Variants in PDE3A observed in about 807,000 individuals in gnomAD.
PDE3A encodes the protein cGMP-inhibited 3',5'-cyclic phosphodiesterase 3A.
Under a neutral mutation model 98.3 loss-of-function variants are expected in PDE3A, and 43 were observed. The observed-to-expected ratio is 0.44, with a 90% confidence interval of 0.34 to 0.56. The LOEUF (loss-of-function observed/expected upper bound fraction) is 0.56. Ranked by LOEUF, PDE3A falls within the 20% of genes least tolerant of loss-of-function variation. The pLI is 0.01. For synonymous variants in PDE3A, 663 were observed against 567.9 expected (o/e 1.17, Z -2.38); for missense variants, 1,427 against 1,440.7 (o/e 0.99, Z 0.15).
intron 2 of PDE3A, among the ~76,000 whole-genome samples, chr12:20,559,122 G>A (rs1942446862): frequency 6.6e-6 from 1 of 152,112 alleles, no homozygotes; most frequent in South Asian, 2.1e-4. Flanking sequence ...ATATATGATG[G>A]TGGTCACATA....
intron 15 of PDE3A, among the ~76,000 whole-genome samples, chr12:20,664,809 T>G (rs1400184798): frequency 6.6e-6 from 1 of 152,164 alleles, no homozygotes; most frequent in African/African-American, 2.4e-5. Context: ...TTATCCAGTC[T>G]CAGGTATGTC....
chr12:20,665,756 T>A (rs1945291776), intron 15 of PDE3A, among the ~76,000 whole-genome samples: 1 of 152,112 alleles, frequency 6.6e-6, no homozygotes, highest in African/African-American at 2.4e-5. Context: ...TTTTAGCTAT[T>A]CCAAGTAGGC....
chr12:20,650,764 T>C (rs1592147794), intron 14 of PDE3A, among the ~76,000 whole-genome samples, 164 bp downstream of exon 14: 1 of 152,128 alleles, frequency 6.6e-6, no homozygotes, highest in East Asian at 1.9e-4. Context: ...AAGTGACGTA[T>C]AAAAATTGGA....
At chr12:20,536,362 A>G (rs931625300) in intron 1 of PDE3A, among the ~76,000 whole-genome samples, 3 of 151,756 alleles carry the variant, frequency 2.0e-5, no homozygotes, top group African/African-American at 7.3e-5. Context: ...GTGTGTGTGC[A>G]TAGAGGTATT....
chr12:20,568,778 A>G (rs1198711480), intron 2 of PDE3A, among the ~76,000 whole-genome samples: 1 of 152,062 alleles, frequency 6.6e-6, no homozygotes, highest in Non-Finnish European at 1.5e-5. Flanking sequence ...ATTAATAGAT[A>G]TATACTTCAT....
intron 1 of PDE3A, among the ~76,000 whole-genome samples, chr12:20,520,121 A>G (rs1202024404): frequency 6.6e-6 from 1 of 152,180 alleles, no homozygotes; most frequent in Non-Finnish European, 1.5e-5. Context: ...GTAATGAAAA[A>G]TCCAACGTGT....
rs1019291690 is a variant in PDE3A, at chr12:20,614,970, C to A, written c.1270-1260C>A. ...GTTGCTGAAGTTATAGGAAAAAGAC[C>A]TTCGGTTTAACTTTTTCTTTTCTTT... On this transcript the variant is annotated intron_variant, in intron 3 of 15. Transcript: ENST00000359062. Among the ~76,000 whole-genome samples the A allele has an allele frequency of 4.8e-5, 7 of 145,200 alleles. No individual in the cohort carries two copies. The South Asian group carries it at 7.1e-4, about 15-fold the overall frequency.
chr12:20,621,372 G>A lies in PDE3A; in HGVS notation c.1501G>A (p.Ala501Thr). ...RSFTSSYAIS[A>T]ANHVKAKKQS... ...CTTTACTTCATCCTATGCTATTTCT[G>A]CAGCTAACCATGTAAAGGCTAAAAA... The change falls in exon 5 of 16, where the codon GCA (alanine) becomes ACA (threonine). Residue 501 changes from alanine (A) to threonine (T), a missense_variant. Ala to Thr is a moderately conservative substitution (Grantham distance 58). Transcript: ENST00000359062. 1 of 1,611,932 alleles carries A rather than the reference G, an allele frequency of 6.2e-7. No individual in the cohort carries two copies. Among genetic ancestry groups the A allele is most frequent in the Non-Finnish European group, 8.5e-7 (1 of 1,178,264 alleles).
At chr12:20,429,535 T>C (rs1218067216) in intron 1 of PDE3A, among the ~76,000 whole-genome samples, 1 of 152,144 alleles carries the variant, frequency 6.6e-6, no homozygotes, top group Non-Finnish European at 1.5e-5. Flanking sequence ...TGTGACTTGC[T>C]CTCCTAAGCC....
At chr12:20,479,607 A>G (rs1180172536) in intron 1 of PDE3A, among the ~76,000 whole-genome samples, 1 of 152,212 alleles carries the variant, frequency 6.6e-6, no homozygotes, top group Non-Finnish European at 1.5e-5. Context: ...TGTTCATCCT[A>G]TATTTAATCT....
intron 15 of PDE3A, among the ~76,000 whole-genome samples, chr12:20,676,542 C>T (rs373564372): frequency 6.7e-6 from 1 of 148,650 alleles, no homozygotes; most frequent in Non-Finnish European, 1.5e-5. Context: ...CTCTGTCCCC[C>T]ATGCTGGAGT....
intron 1 of PDE3A, among the ~76,000 whole-genome samples, chr12:20,554,055 A>T (rs187351018): frequency 1.3e-5 from 2 of 151,592 alleles, no homozygotes; most frequent in Non-Finnish European, 2.9e-5. Context: ...CTGTATATGT[A>T]CCAAGAAAGA....
chr12:20,600,083 C>G (rs2121405160), intron 2 of PDE3A, among the ~76,000 whole-genome samples: 1 of 152,288 alleles, frequency 6.6e-6, no homozygotes, highest in South Asian at 2.1e-4. Flanking sequence ...TCACTTCTGC[C>G]TGGCTTTTAA....
At chr12:20,383,615 C>T (rs1317001673) in intron 1 of PDE3A, among the ~76,000 whole-genome samples, 3 of 151,938 alleles carry the variant, frequency 2.0e-5, no homozygotes, top group Non-Finnish European at 4.4e-5. Context: ...TTTGGTTTGG[C>T]CCTAGGAGCA....
intron 1 of PDE3A, among the ~76,000 whole-genome samples, chr12:20,519,864 G>C (rs1427007830): frequency 2.6e-5 from 4 of 152,136 alleles, no homozygotes; most frequent in Non-Finnish European, 5.9e-5. Context: ...AGCTAGCAGA[G>C]GGGTGGTGAG....
intron 2 of PDE3A, among the ~76,000 whole-genome samples, chr12:20,600,900 C>G (rs1475088428): frequency 6.6e-6 from 1 of 152,174 alleles, no homozygotes; most frequent in Non-Finnish European, 1.5e-5. Context: ...GTCTCAAACA[C>G]TTTAATTTAC....
intron 2 of PDE3A, among the ~76,000 whole-genome samples, chr12:20,589,823 C>T (rs571336880): frequency 2.1e-5 from 3 of 143,434 alleles, no homozygotes; most frequent in Middle Eastern, 3.9e-3. Flanking sequence ...AAGCTGAGAT[C>T]GTGCCACTGC....
intron 1 of PDE3A, among the ~76,000 whole-genome samples, chr12:20,441,637 A>G (rs1248683420): frequency 2.0e-5 from 3 of 152,192 alleles, no homozygotes; most frequent in African/African-American, 7.2e-5. Flanking sequence ...GGTCTTGACC[A>G]CTAATCTCTG....
intron 12 of PDE3A, 22 bp from the exon 13 acceptor site, chr12:20,648,666 C>G: frequency 6.7e-7 from 1 of 1,497,708 alleles, no homozygotes; most frequent in Non-Finnish European, 9.3e-7. Context: ...AAGTTGAACT[C>G]TTAACTGTCT....
Sources: gnomAD v4.1 joint callset for allele counts (sites outside exome capture counted in the v4.1 genomes callset) on GRCh38, gnomAD v4.1.1 for gene constraint, MANE v1.5 for transcripts, NCBI Gene and HGNC (gene_info 2026-07-23, HGNC 2026-07-21) for gene names.